Variants in NBPF26 observed in about 807,000 individuals in gnomAD.
NBPF26 encodes the protein NBPF member 26.
In NBPF26, 79 loss-of-function variants were observed where a neutral mutation model predicts 119.6. That is an observed-to-expected ratio of 0.66 (90% CI 0.55 to 0.80). NBPF26 has a LOEUF of 0.80. NBPF26 is among the 30% of genes least tolerant of loss of function. The probability of loss-of-function intolerance (pLI) is 0.00; values close to 1 mark genes in which losing one functional copy is unlikely to be tolerated. For missense variants in NBPF26, 800 were observed against 1,198.2 expected (o/e 0.67, Z 4.91); for synonymous variants, 299 against 457.7 (o/e 0.65, Z 4.43).
chr1:120,832,525 C>A (rs1188633117), intron 22 of NBPF26, among the ~76,000 whole-genome samples: 1 of 76,106 alleles, frequency 1.3e-5, no homozygotes, highest in African/African-American at 1.4e-4. Context: ...AACAATCTGA[C>A]TATTTGATGA....
chr1:120,783,728 C>A lies in NBPF26; in HGVS notation c.156-1246C>A, dbSNP rs1449672656. On this transcript the variant is annotated intron_variant, in intron 2 of 29. Coordinates refer to ENST00000620612, the Ensembl canonical transcript of NBPF26. ...CATTTGAGAGAAAGAGCAGTGCAGT[C>A]CAGACTTAAACGTTAGGGTGGCCAT... 2.2e-4 allele frequency among the ~76,000 whole-genome samples: 26 copies of A among 117,142 alleles called. 10 individuals carry two copies. Among genetic ancestry groups the A allele is most frequent in the African/African-American group, 1.3e-3 (26 of 19,996 alleles). The allele number at this position is 117,142 out of a possible 152,430, so 76.8% of individuals were successfully genotyped here.
chr1:120,842,213 C>T (rs1453609787), downstream of NBPF26, among the ~76,000 whole-genome samples: 4 of 111,858 alleles, frequency 3.6e-5, no homozygotes, highest in Non-Finnish European at 5.2e-5. Flanking sequence ...CATTTCATTT[C>T]CATGTTTATT....
At chr1:120,793,259 A>C in exon 4 of NBPF26, 1 of 1,394,586 alleles carries the variant, frequency 7.2e-7, no homozygotes, top group Non-Finnish European at 9.6e-7. Flanking sequence ...CAAATGCCTC[A>C]CAGGCTTCAC....
At chr1:120,811,819 T>G in intron 9 of NBPF26, 67 bp from the exon 10 acceptor site, 1 of 705,474 alleles carries the variant, frequency 1.4e-6, no homozygotes, top group Non-Finnish European at 2.4e-6. Flanking sequence ...CATCCCTCAG[T>G]CCTGATTAAG....
Position 120,840,592 on chromosome 1 carries a change from A to T in NBPF26, c.4346A>T (p.Ter1449LeuextTer?), listed in dbSNP as rs2101558216. The change falls in exon 30 of 30, where the codon TAA becomes TTA. Residue 1449 changes from the stop codon to leucine, a stop_lost. Transcript: ENST00000620612. ...CAGATGGGAGTCATATTCCCACAATAAGCAGCCCTTACTAAGCCGAGAGGT... is the reference window on the plus strand; with the variant it reads ...CAGATGGGAGTCATATTCCCACAATTAGCAGCCCTTACTAAGCCGAGAGGT... 7 of 1,462,808 alleles carry T rather than the reference A, an allele frequency of 4.8e-6. 2 individuals are homozygous for T. Among genetic ancestry groups the T allele is most frequent in the Middle Eastern group, 4.8e-4 (2 of 4,174 alleles). 90.6% of individuals were successfully genotyped at this position (1,462,808 alleles called of 1,614,324 possible). A position where few individuals can be genotyped will look rare whatever the true frequency, so the allele number is the denominator to read the frequency against.
At position 120,754,713 on chromosome 1, in the gene NBPF26, A is replaced by G. The variant is rs1439366590; in HGVS notation, c.74-8915A>G. Among the ~76,000 whole-genome samples, 5 of 114,174 alleles carry G rather than the reference A, an allele frequency of 4.4e-5. 1 individual carries two copies. Among genetic ancestry groups the G allele is most frequent in the African/African-American group, 1.1e-4 (2 of 18,976 alleles). 74.9% of individuals were successfully genotyped at this position (114,174 alleles called of 152,430 possible). A position where few individuals can be genotyped will look rare whatever the true frequency, so the allele number is the denominator to read the frequency against. The stretch of plus-strand genomic sequence containing the variant: ...TCAGCTAGTTTTTACCATAATACAC[A>G]TGGCTTAAGATTTATAGGAGGCTAA... On this transcript the variant is annotated intron_variant, in intron 1 of 29. Transcript: ENST00000620612.
In NBPF26 at chr1:120,789,935, T is replaced by C. The variant is rs1265043407; in HGVS notation, c.416-3226T>C. ...TCATAATTAAAATGTCACTCTGAAATGGTCCCAAATTAAAACTTCTTCCTT... is the reference window on the plus strand; with the variant it reads ...TCATAATTAAAATGTCACTCTGAAACGGTCCCAAATTAAAACTTCTTCCTT... On this transcript the variant is annotated intron_variant, in intron 3 of 29. Coordinates refer to ENST00000620612, the Ensembl canonical transcript of NBPF26. 4.6e-4 allele frequency among the ~76,000 whole-genome samples: 37 copies of C among 79,582 alleles called. 6 individuals are homozygous for C. The highest frequency in any genetic ancestry group is 4.5e-3 in the Admixed American group (37 of 8,152). The allele number at this position is 79,582 out of a possible 152,430, so 52.2% of individuals were successfully genotyped here.
In NBPF26 at chr1:120,804,598, T is replaced by C; in HGVS notation, c.752-958T>C. Among the ~76,000 whole-genome samples the C allele has an allele frequency of 1.7e-5, 2 of 117,712 alleles. 1 individual carries two copies. Among genetic ancestry groups the C allele is most frequent in the Non-Finnish European group, 3.3e-5 (2 of 60,076 alleles). 77.2% of individuals were successfully genotyped at this position (117,712 alleles called of 152,430 possible). On this transcript the variant is annotated intron_variant, in intron 4 of 29. Coordinates refer to ENST00000620612, the Ensembl canonical transcript of NBPF26. ...GGAGACCTCTATATAAATGATTTGA[T>C]CACTTGATACCTTGAAAAGAGGTCT...
intron 9 of NBPF26, among the ~76,000 whole-genome samples, chr1:120,811,613 C>T (rs1651868738): frequency 8.8e-6 from 1 of 113,310 alleles, no homozygotes; most frequent in Non-Finnish European, 1.7e-5. Context: ...ACATTGGCCA[C>T]TCATGGGGTA....
intron 10 of NBPF26, among the ~76,000 whole-genome samples, chr1:120,812,921 A>AATAAT (rs1651904942): frequency 4.6e-3 from 512 of 111,320 alleles, no homozygotes; most frequent in East Asian, 0.022. Flanking sequence ...AGACTGCTAA[A>AATAAT]AATAATAATA....
chr1:120,840,523 A>G lies in NBPF26; in HGVS notation c.4277A>G (p.Asn1426Ser), dbSNP rs1553273542. 78 of 1,473,562 alleles carry G rather than the reference A, an allele frequency of 5.3e-5. 15 individuals are homozygous for G. The highest frequency in any genetic ancestry group is 7.3e-5 in the Admixed American group (4 of 54,964). 91.3% of individuals were successfully genotyped at this position (1,473,562 alleles called of 1,614,324 possible). The change falls in exon 30 of 30, where the codon AAT becomes AGT. Residue 1426 changes from asparagine to serine, a missense_variant. By Grantham distance (46) the Asn-to-Ser change is conservative (BLOSUM62 1). Around this residue, in one of 13 missense-constraint regions of NBPF26, gnomAD observed 155 missense variants for 95.9 expected, o/e 1.62. Coordinates refer to ENST00000620612, the Ensembl canonical transcript of NBPF26. ...ATCAGCTTCGCCCTTTACGTGGACA[A>G]TAGGTTTTTTACTTTGACGGTGACA...
At position 120,763,655 on chromosome 1, in the gene NBPF26, C is replaced by G. The variant is rs1651157166; in HGVS notation, c.101C>G (p.Pro34Arg). The change falls in exon 2 of 30, where the codon CCC becomes CGC. Residue 34 changes from proline (P) to arginine (R), a missense_variant. Coordinates refer to ENST00000620612, the Ensembl canonical transcript of NBPF26. ...TTGCAGTGTCGAGATGGCTATGAAC[C>G]CTGTGTAAATAAAGGAATGTGTGTT... 10 of 1,411,522 alleles carry G rather than the reference C, an allele frequency of 7.1e-6. 2 individuals are homozygous for G. Among genetic ancestry groups the G allele is most frequent in the Non-Finnish European group, 8.5e-6 (9 of 1,053,812 alleles). 87.4% of individuals were successfully genotyped at this position (1,411,522 alleles called of 1,614,324 possible). A position where few individuals can be genotyped will look rare whatever the true frequency, so the allele number is the denominator to read the frequency against.
Position 120,727,477 on chromosome 1 carries a change from T to C in NBPF26, c.73+3227T>C, listed in dbSNP as rs1230294929. 6.2e-5 allele frequency among the ~76,000 whole-genome samples: 7 copies of C among 112,302 alleles called. 1 individual carries two copies. Among genetic ancestry groups the C allele is most frequent in the Admixed American group, 8.6e-5 (1 of 11,630 alleles). 73.7% of individuals were successfully genotyped at this position (112,302 alleles called of 152,430 possible). A position where few individuals can be genotyped will look rare whatever the true frequency, so the allele number is the denominator to read the frequency against. On this transcript the variant is annotated intron_variant, in intron 1 of 29. Transcript: ENST00000620612. Reference sequence around the variant, plus strand: ...TTTATCTGGGTGCAGTATGTCTGCATTGACCCTTTAGAAGGGCTTCATATA... The same window carrying C: ...TTTATCTGGGTGCAGTATGTCTGCACTGACCCTTTAGAAGGGCTTCATATA...
chr1:120,838,388 G>A (rs1407625579), intron 27 of NBPF26, among the ~76,000 whole-genome samples: 5 of 13,064 alleles, frequency 3.8e-4, no homozygotes, highest in African/African-American at 3.3e-3. Flanking sequence ...ATTGAGCACA[G>A]TCTTTTCATG....
Position 120,817,332 on chromosome 1 carries a change from T to C in NBPF26, c.2371+505T>C, listed in dbSNP as rs1183589361. Among the ~76,000 whole-genome samples the C allele has an allele frequency of 2.9e-5, 3 of 102,110 alleles. 1 individual carries two copies. Among genetic ancestry groups the C allele is most frequent in the Non-Finnish European group, 5.4e-5 (3 of 55,806 alleles). 67.0% of individuals were successfully genotyped at this position (102,110 alleles called of 152,430 possible). A position where few individuals can be genotyped will look rare whatever the true frequency, so the allele number is the denominator to read the frequency against. ...ACTTTTCTTCTTTACTTTGCTGATA[T>C]ATTTCCATAAAGCAAGGCTGGACCC... On this transcript the variant is annotated intron_variant, in intron 14 of 29. Transcript: ENST00000620612.
intron 5 of NBPF26, among the ~76,000 whole-genome samples, chr1:120,806,176 G>A (rs1417275809): frequency 8.3e-6 from 1 of 120,074 alleles, no homozygotes; most frequent in Non-Finnish European, 1.7e-5. Context: ...GGCCCAACAG[G>A]CAAAGCTCTG....
At chr1:120,813,944 T>C (rs1553271372) in exon 11 of NBPF26, 2 of 1,505,738 alleles carry the variant, frequency 1.3e-6, no homozygotes, top group African/African-American at 1.7e-5. Flanking sequence ...TGAGCGACAG[T>C]TCAAGGAGGA....
chr1:120,801,718 A>G lies in NBPF26; in HGVS notation c.752-3838A>G, dbSNP rs1651583994. 1.9e-5 allele frequency among the ~76,000 whole-genome samples: 2 copies of G among 102,992 alleles called. 1 individual carries two copies. The highest frequency in any genetic ancestry group is 3.6e-5 in the Non-Finnish European group (2 of 56,086). The allele number at this position is 102,992 out of a possible 152,430, so 67.6% of individuals were successfully genotyped here. A position where few individuals can be genotyped will look rare whatever the true frequency, so the allele number is the denominator to read the frequency against. On this transcript the variant is annotated intron_variant, in intron 4 of 29. Coordinates refer to ENST00000620612, the Ensembl canonical transcript of NBPF26. ...GTGATGTGTGCCTAGAGTTCCAACT[A>G]CTTGGAAAGCTGAGGCAGGAGGATC... is the stretch of plus-strand genomic sequence containing the variant.
In NBPF26 at chr1:120,794,391, T is replaced by C. The variant is rs1651533898; in HGVS notation, c.751+895T>C. On this transcript the variant is annotated intron_variant, in intron 4 of 29. Transcript: ENST00000620612. ...CAAGCAGCTGAAGCAGATGAATTAC[T>C]AAGCAACAAAGATCCTGTTTTTATA... Among the ~76,000 whole-genome samples, 8 of 113,582 alleles carry C rather than the reference T, an allele frequency of 7.0e-5. 3 individuals carry two copies. Among genetic ancestry groups the C allele is most frequent in the Admixed American group, 6.8e-4 (8 of 11,716 alleles). 74.5% of individuals were successfully genotyped at this position (113,582 alleles called of 152,430 possible).
Sources: gnomAD v4.1 joint callset for allele counts (sites outside exome capture counted in the v4.1 genomes callset) on GRCh38, gnomAD v4.1.1 for gene constraint, gnomAD v4.1.1 regional missense constraint, MANE v1.5 for transcripts, NCBI Gene and HGNC (gene_info 2026-07-23, HGNC 2026-07-21) for gene names.